The following DNAH8 variants were observed in gnomAD, a reference collection of about 807,000 sequenced individuals.
DNAH8 encodes axonemal beta dynein heavy chain 8.
In DNAH8, 382 loss-of-function variants were observed where a neutral mutation model predicts 562.1. The observed-to-expected ratio is 0.68, with a 90% confidence interval of 0.63 to 0.74. DNAH8 has a LOEUF of 0.74. Ranked by LOEUF, DNAH8 falls within the 30% of genes least tolerant of loss-of-function variation. The probability of loss-of-function intolerance (pLI) is 0.00; values close to 1 mark genes in which losing one functional copy is unlikely to be tolerated. For missense variants in DNAH8, 5,203 were observed against 5,620.4 expected, an observed-to-expected ratio of 0.93 and a Z score of 2.37; for synonymous variants, 1,881 against 1,919.4, an observed-to-expected ratio of 0.98 and a Z score of 0.52.
At chr6:38,749,106 G>A (rs1050792344) in intron 8 of DNAH8, among the ~76,000 whole-genome samples, 3 of 152,114 alleles carry the variant, frequency 2.0e-5, no homozygotes, top group East Asian at 3.9e-4. Flanking sequence ...TTAAGACCAT[G>A]TCCTTGGAAC....
Position 38,723,008 on chromosome 6 carries a change from T to C in DNAH8, c.199T>C (p.Ser67Pro). 6.2e-7 allele frequency: 1 copy of C among 1,612,888 alleles called. No individual in the cohort carries two copies. Among genetic ancestry groups the C allele is most frequent in the Admixed American group, 1.7e-5 (1 of 60,026 alleles). The stretch of plus-strand genomic sequence containing the variant: ...GGTGGATTATCGGGATCTCATTCCT[T>C]CTGAAGAAGGGATAGTTCTTCCAGA... ...SVVDYRDLIPSEEGIVLPDDH... is the reference protein window; with the variant it reads ...SVVDYRDLIPPEEGIVLPDDH... Residue 67 changes from serine (S) to proline (P), a missense_variant, in exon 2 of 93, where the codon TCT (serine) becomes CCT (proline). This residue lies in a region of DNAH8 where 556 missense variants were observed against 496.9 expected (regional missense o/e 1.12). Coordinates refer to ENST00000327475, the MANE Select transcript of DNAH8 (RefSeq NM_001206927.2).
At chr6:39,009,406 C>T (rs1042767219) in intron 89 of DNAH8, among the ~76,000 whole-genome samples, 1 of 152,030 alleles carries the variant, frequency 6.6e-6, no homozygotes, top group African/African-American at 2.4e-5. Flanking sequence ...GTAGATGATC[C>T]ACCCATCTAT....
rs1276325008 is a variant in DNAH8, at chr6:38,775,949, G to A, written c.1960G>A (p.Glu654Lys). 5 of 1,601,250 alleles carry A rather than the reference G, an allele frequency of 3.1e-6. 1 individual carries two copies. In the South Asian group the frequency reaches 4.4e-5, roughly 14 times the overall value. Residue 654 changes from glutamate (E) to lysine (K), a missense_variant and splice_region_variant, in exon 13 of 93, where the codon GAG (glutamate) becomes AAG (lysine). Coordinates refer to ENST00000327475, the MANE Select transcript of DNAH8 (RefSeq NM_001206927.2). ...TTTCATGACAAAAATCAATGGTTTAGAGGTAAGTAATTATACCTACTTTTA... is the reference window on the plus strand; with the variant it reads ...TTTCATGACAAAAATCAATGGTTTAAAGGTAAGTAATTATACCTACTTTTA... ...LDFMTKINGL[E>K]VQIQAFMNSS... is the part of the protein sequence containing the mutation.
chr6:38,873,474 A>G (rs1438565479), intron 52 of DNAH8, 98 bp downstream of exon 52: 6 of 1,087,706 alleles, frequency 5.5e-6, no homozygotes, highest in Middle Eastern at 3.0e-4. Context: ...CAGACAGTCC[A>G]TAAAAATCAT....
intron 1 of DNAH8, among the ~76,000 whole-genome samples, chr6:38,720,614 C>T (rs918872977): frequency 9.9e-5 from 15 of 152,040 alleles, no homozygotes; most frequent in Non-Finnish European, 1.8e-4. Flanking sequence ...CAGACATATC[C>T]AATAAAAACC....
At chr6:39,008,737 C>A in intron 88 of DNAH8, 77 bp from the exon 89 acceptor site, 24 of 578,452 alleles carry the variant, frequency 4.1e-5, no homozygotes, top group Non-Finnish European at 5.6e-5. Context: ...GTGATTCTAT[C>A]AGTTCATTTT....
In DNAH8 at chr6:38,715,955, TATA is replaced by T. The variant is rs1205627255; in HGVS notation, c.-35+541_-35+543del. Among the ~76,000 whole-genome samples the T allele has an allele frequency of 2.8e-3, 117 of 41,788 alleles. 5 individuals are homozygous for T. Among genetic ancestry groups the T allele is most frequent in the South Asian group, 5.0e-3 (5 of 1,004 alleles). 27.4% of individuals were successfully genotyped at this position (41,788 alleles called of 152,430 possible). Reference sequence around the variant, plus strand: ...ATATATATATATATATATATATATATATATATTTTTTTTTTTTTTTTGAGACGG... The same window carrying T: ...ATATATATATATATATATATATATATTATTTTTTTTTTTTTTTTGAGACGG... On this transcript the variant is annotated intron_variant, in intron 1 of 92. Transcript: ENST00000327475.
At chr6:38,831,408 G>A (rs1773819597) in intron 30 of DNAH8, among the ~76,000 whole-genome samples, 2 of 141,786 alleles carry the variant, frequency 1.4e-5, no homozygotes, top group African/African-American at 5.2e-5. Context: ...CTCCAGCCTG[G>A]TGACAGAGTG....
At chr6:38,853,740 C>A (rs940487975) in intron 41 of DNAH8, among the ~76,000 whole-genome samples, 3 of 152,070 alleles carry the variant, frequency 2.0e-5, no homozygotes, top group Non-Finnish European at 4.4e-5. Flanking sequence ...ATGCATCTAA[C>A]CTACCAATCA....
At chr6:38,935,492 C>G in intron 76 of DNAH8, 100 bp from the exon 77 acceptor site, 1 of 771,402 alleles carries the variant, frequency 1.3e-6, no homozygotes, top group Admixed American at 2.5e-5. Context: ...AGGTACTTTG[C>G]TTTAAACTTT....
intron 1 of DNAH8, among the ~76,000 whole-genome samples, chr6:38,720,468 G>T (rs188390020): frequency 6.6e-6 from 1 of 152,150 alleles, no homozygotes; most frequent in Non-Finnish European, 1.5e-5. Context: ...CCCCCATTTT[G>T]GATGGGCAGC....
At chr6:38,989,653 T>G (rs1764645793) in intron 87 of DNAH8, among the ~76,000 whole-genome samples, 1 of 152,184 alleles carries the variant, frequency 6.6e-6, no homozygotes, top group Admixed American at 6.5e-5. Flanking sequence ...TGCCCAGATA[T>G]TCTCTTGTGT....
intron 11 of DNAH8, among the ~76,000 whole-genome samples, chr6:38,769,039 A>G (rs1164995047): frequency 1.3e-5 from 2 of 152,260 alleles, no homozygotes; most frequent in African/African-American, 4.8e-5. Flanking sequence ...TACTGACTGA[A>G]TTAGAAATGG....
chr6:38,951,704 G>C (rs1761918928), intron 82 of DNAH8, among the ~76,000 whole-genome samples, 184 bp downstream of exon 82: 1 of 151,670 alleles, frequency 6.6e-6, no homozygotes, highest in Non-Finnish European at 1.5e-5. Context: ...AGGTATCTTT[G>C]TTTAGAGAAG....
chr6:38,815,364 G>A, intron 25 of DNAH8, 104 bp from the exon 26 acceptor site: 1 of 847,684 alleles, frequency 1.2e-6, no homozygotes, highest in South Asian at 1.7e-5. Flanking sequence ...CTTGCACTGG[G>A]CCAGCCGAGG....
At chr6:38,815,282 C>T (rs1003627753) in intron 25 of DNAH8, among the ~76,000 whole-genome samples, 186 bp from the exon 26 acceptor site, 3 of 152,096 alleles carry the variant, frequency 2.0e-5, no homozygotes, top group Non-Finnish European at 4.4e-5. Flanking sequence ...GAATCGATAG[C>T]GGGAAAACTT....
At chr6:38,832,262 T>TAAAAAA (rs1179297146) in intron 30 of DNAH8, 60 bp from the exon 31 acceptor site, 201 of 1,012,580 alleles carry the variant, frequency 2.0e-4, no homozygotes, top group Admixed American at 7.3e-4. Context: ...AATAGAATTG[T>TAAAAAA]AATTTTTGTT....
Position 38,741,750 on chromosome 6 carries a change from G to A in DNAH8, c.1156G>A (p.Asp386Asn). 1 of 1,613,766 alleles carries A rather than the reference G, an allele frequency of 6.2e-7. No homozygotes were observed. The highest frequency in any genetic ancestry group is 8.5e-7 in the Non-Finnish European group (1 of 1,179,846). ...ESEQMRKEAG[D>N]SGPLTELEHW... ...TGAGCAGATGAGAAAAGAAGCTGGT[G>A]ATTCAGGTCCACTCACTGAATTGGA... Residue 386 changes from aspartate to asparagine, a missense_variant, in exon 8 of 93, where the codon GAT becomes AAT. This residue lies in a region of DNAH8 where 556 missense variants were observed against 496.9 expected (regional missense o/e 1.12). Transcript: ENST00000327475.
At chr6:38,896,572 CTCAA>C in intron 60 of DNAH8, among the ~76,000 whole-genome samples, 1 of 150,300 alleles carries the variant, frequency 6.7e-6, no homozygotes, top group Non-Finnish European at 1.5e-5. Flanking sequence ...GAGACCCTGT[CTCAA>C]AAAAACAAAC....
Sources: gnomAD v4.1 joint callset for allele counts (sites outside exome capture counted in the v4.1 genomes callset) on GRCh38, gnomAD v4.1.1 for gene constraint, gnomAD v4.1.1 regional missense constraint, MANE v1.5 for transcripts, NCBI Gene and HGNC (gene_info 2026-07-23, HGNC 2026-07-21) for gene names.